Variants in LMO4 observed in about 807,000 individuals in gnomAD.
The protein encoded by LMO4 is LIM domain only 4.
In LMO4, 3 loss-of-function variants were observed where a neutral mutation model predicts 18.5. The observed-to-expected ratio is 0.16, with a 90% CI of 0.07 to 0.42. LMO4 has a LOEUF of 0.42. Among genes scored for constraint, LMO4 ranks in the 10% least tolerant of loss-of-function variants. The pLI, the probability that LMO4 is intolerant of heterozygous loss-of-function variation, is 0.99. For missense variants in LMO4, 121 were observed against 219.9 expected (o/e 0.55, Z 2.84); for synonymous variants, 100 against 88.1 (o/e 1.14, Z -0.76).
At chr1:87,338,077 G>A (rs1165110372) in intron 2 of LMO4, among the ~76,000 whole-genome samples, 1 of 152,132 alleles carries the variant, frequency 6.6e-6, no homozygotes, top group Non-Finnish European at 1.5e-5. Flanking sequence ...ATCTTAAGGG[G>A]CAGTTTTACT....
chr1:87,342,662 T>G (rs1341228385), intron 4 of LMO4, among the ~76,000 whole-genome samples: 1 of 152,194 alleles, frequency 6.6e-6, no homozygotes, highest in African/African-American at 2.4e-5. Flanking sequence ...AACATTTCCC[T>G]GTTGGCGTAA....
chr1:87,330,935 C>T lies in LMO4; in HGVS notation c.-3-1078C>T, dbSNP rs141514558. The stretch of plus-strand genomic sequence containing the variant: ...TTCCTATATTATATCCCAGTTGCAT[C>T]TCTTGTGGCATTCATTAGAGTGGGG... On this transcript the variant is annotated intron_variant, in intron 1 of 4. Transcript: ENST00000370544. Among the ~76,000 whole-genome samples, 203 of 152,074 alleles carry T rather than the reference C, an allele frequency of 1.3e-3. 1 individual carries two copies. Among genetic ancestry groups the T allele is most frequent in the South Asian group, 5.0e-3 (24 of 4,822 alleles).
chr1:87,333,586 G>A (rs1334765211), intron 2 of LMO4, among the ~76,000 whole-genome samples: 1 of 152,150 alleles, frequency 6.6e-6, no homozygotes, highest in Non-Finnish European at 1.5e-5. Flanking sequence ...GTAAGATGAT[G>A]GAGTAAAATG....
chr1:87,334,771 G>A (rs558823961), intron 2 of LMO4, among the ~76,000 whole-genome samples: 4 of 152,306 alleles, frequency 2.6e-5, no homozygotes, highest in African/African-American at 4.8e-5. Flanking sequence ...CCGCGGCCAA[G>A]TGTCGATGGG....
chr1:87,344,838 T>C lies in LMO4; in HGVS notation c.*42T>C, dbSNP rs890052979. On this transcript the variant is annotated 3_prime_UTR_variant, in exon 5 of 5. Transcript: ENST00000370544. ...AGAATGCGTGCCTTCATCTCAGATT[T>C]GTTCATCACAGGTGGATCCCATGTG... 3.1e-6 allele frequency: 5 copies of C among 1,609,170 alleles called. No individual in the cohort carries two copies. The African/African-American group carries it at 6.7e-5, about 22-fold the overall frequency.
intron 4 of LMO4, among the ~76,000 whole-genome samples, chr1:87,341,882 T>C (rs1401940128): frequency 6.6e-6 from 1 of 152,206 alleles, no homozygotes; most frequent in Admixed American, 6.5e-5. Flanking sequence ...TGGATTCTAA[T>C]GAAGTGAATC....
intron 2 of LMO4, among the ~76,000 whole-genome samples, chr1:87,339,240 A>G (rs76751640): frequency 0.026 from 3,866 of 148,104 alleles, 152 homozygotes; most frequent in African/African-American, 0.091. Context: ...TTTTTTTTTT[A>G]TGATGAACCT....
At chr1:87,341,716 CTTTAA>C (rs1650504172) in intron 4 of LMO4, among the ~76,000 whole-genome samples, 1 of 152,080 alleles carries the variant, frequency 6.6e-6, no homozygotes, top group Admixed American at 6.5e-5. Flanking sequence ...ATTATGTGCA[CTTTAA>C]TTTACTAATA....
chr1:87,335,371 C>A (rs1423990698), intron 2 of LMO4, among the ~76,000 whole-genome samples: 1 of 152,014 alleles, frequency 6.6e-6, no homozygotes, highest in Non-Finnish European at 1.5e-5. Flanking sequence ...GTCGGCTGGC[C>A]CTCGCTCCCT....
At chr1:87,337,330 A>G (rs1650344429) in intron 2 of LMO4, among the ~76,000 whole-genome samples, 1 of 152,254 alleles carries the variant, frequency 6.6e-6, no homozygotes, top group Non-Finnish European at 1.5e-5. Context: ...TGCCCTGATT[A>G]TTAAAATACA....
intron 2 of LMO4, among the ~76,000 whole-genome samples, chr1:87,333,470 G>A (rs1227472531): frequency 2.0e-5 from 3 of 152,122 alleles, no homozygotes; most frequent in Non-Finnish European, 2.9e-5. Flanking sequence ...TTTGTTCAAA[G>A]TTTAGCTCCA....
chr1:87,339,808 CTT>C (rs1650421332), intron 3 of LMO4, among the ~76,000 whole-genome samples, 176 bp downstream of exon 3: 3 of 152,166 alleles, frequency 2.0e-5, no homozygotes, highest in Non-Finnish European at 4.4e-5. Context: ...ACAGACCACG[CTT>C]CCCCTATGCC....
intron 1 of LMO4, among the ~76,000 whole-genome samples, chr1:87,330,999 G>T (rs1211653545): frequency 1.4e-5 from 2 of 145,882 alleles, no homozygotes; most frequent in African/African-American, 5.1e-5. Context: ...CAGCAGGACG[G>T]GCTCGAATTT....
In LMO4 at chr1:87,348,413, C is replaced by A. The variant is rs1650694695; in HGVS notation, c.*3617C>A. On this transcript the variant is annotated 3_prime_UTR_variant, in exon 5 of 5. Transcript: ENST00000370544. ...ACCTATTGTTAGTGCAGCCAAGTCA[C>A]AGAAGTGCTTATTGCAGTTAAATAG... 3.4e-6 allele frequency: 1 copy of A among 290,740 alleles called. No individual in the cohort carries two copies. Among genetic ancestry groups the A allele is most frequent in the Non-Finnish European group, 6.9e-6 (1 of 144,026 alleles). 18.0% of individuals were successfully genotyped at this position (290,740 alleles called of 1,614,324 possible).
At chr1:87,344,700 T>C in intron 4 of LMO4, 88 bp from the exon 5 acceptor site, 1 of 1,275,954 alleles carries the variant, frequency 7.8e-7, no homozygotes, top group Non-Finnish European at 1.1e-6. Context: ...GATTAGTGAA[T>C]GTGGGGAAGA....
chr1:87,340,068 C>T lies in LMO4; in HGVS notation c.355C>T (p.Arg119Trp), dbSNP rs1356595620. The T allele has an allele frequency of 1.2e-6, 2 of 1,613,764 alleles. No individual in the cohort carries two copies. Among genetic ancestry groups the T allele is most frequent in the Non-Finnish European group, 8.5e-7 (1 of 1,179,898 alleles). The change falls in exon 4 of 5, where the codon CGG (arginine) becomes TGG (tryptophan). Residue 119 changes from arginine to tryptophan, a missense_variant. Around this residue, in one of 4 missense-constraint regions of LMO4, gnomAD observed 62 missense variants for 128.8 expected, o/e 0.48. Transcript: ENST00000370544. The stretch of plus-strand genomic sequence containing the variant: ...TCAGTGTTTTACATGCTCTACCTGC[C>T]GGAATCGCCTGGTCCCGGGAGATCG... ...HLKCFTCSTC[R>W]NRLVPGDRFH...
rs1650677327 is a variant in LMO4, at chr1:87,347,837, A to C, written c.*3041A>C. The C allele has an allele frequency of 1.3e-5, 2 of 152,212 alleles. No individual in the cohort carries two copies. Among genetic ancestry groups the C allele is most frequent in the Non-Finnish European group, 2.9e-5 (2 of 68,022 alleles). 9.4% of individuals were successfully genotyped at this position (152,212 alleles called of 1,614,324 possible). A position where few individuals can be genotyped will look rare whatever the true frequency, so the allele number is the denominator to read the frequency against. Reference sequence around the variant, plus strand: ...GGCAGGGGAGCCTGAAGCTTTTCCAAACCAAATCGTTTGCCACTAGAAACT... The same window carrying C: ...GGCAGGGGAGCCTGAAGCTTTTCCACACCAAATCGTTTGCCACTAGAAACT... On this transcript the variant is annotated 3_prime_UTR_variant, in exon 5 of 5. Transcript: ENST00000370544.
chr1:87,339,686 C>T lies in LMO4; in HGVS notation c.333+54C>T, dbSNP rs1453865669. On this transcript the variant is annotated intron_variant, in intron 3 of 4. Transcript: ENST00000370544. ...AAAAAAAAAATCATACCTTTCCTAC[C>T]TACATGGGGGCAAAGCATTTCTCCT... is the stretch of plus-strand genomic sequence containing the variant. 4 of 1,125,370 alleles carry T rather than the reference C, an allele frequency of 3.6e-6. No homozygotes were observed. The South Asian group carries it at 3.9e-5, about 11-fold the overall frequency. The allele number at this position is 1,125,370 out of a possible 1,614,324, so 69.7% of individuals were successfully genotyped here. A position where few individuals can be genotyped will look rare whatever the true frequency, so the allele number is the denominator to read the frequency against.
intron 2 of LMO4, among the ~76,000 whole-genome samples, chr1:87,336,708 C>T (rs1240461593): frequency 6.6e-6 from 1 of 152,174 alleles, no homozygotes; most frequent in East Asian, 1.9e-4. Context: ...GAAATATTAA[C>T]GACCTTCTTG....
Sources: gnomAD v4.1 joint callset for allele counts (sites outside exome capture counted in the v4.1 genomes callset) on GRCh38, gnomAD v4.1.1 for gene constraint, gnomAD v4.1.1 regional missense constraint, MANE v1.5 for transcripts, NCBI Gene and HGNC (gene_info 2026-07-23, HGNC 2026-07-21) for gene names.